RNF214: variants seen among roughly 807,000 people sequenced by gnomAD.
RNF214 encodes the protein ring finger protein 214.
In RNF214, 25 loss-of-function variants were observed where a neutral mutation model predicts 75.9. The ratio of observed to expected loss-of-function variants is 0.33; its 90% CI spans 0.24 to 0.46. The LOEUF is 0.46. Among genes scored for constraint, RNF214 ranks in the 20% least tolerant of loss-of-function variants. The pLI is 1.00. For missense variants in RNF214, 725 were observed against 857.5 expected (o/e 0.85, Z 1.93); for synonymous variants, 314 against 308.8 (o/e 1.02, Z -0.18).
chr11:117,233,943 C>CT (rs2032821672), intron 1 of RNF214, among the ~76,000 whole-genome samples: 1 of 152,174 alleles, frequency 6.6e-6, no homozygotes, highest in African/African-American at 2.4e-5. Context: ...CAAGGTAGGC[C>CT]TGGGACCACT....
At chr11:117,237,822 G>T (rs973068412) in intron 2 of RNF214, among the ~76,000 whole-genome samples, 8 of 152,230 alleles carry the variant, frequency 5.3e-5, no homozygotes, top group Admixed American at 3.3e-4. Context: ...ACAACTTAAA[G>T]TGTAGGTTCT....
rs748407683 is a variant in RNF214, at chr11:117,239,799, A to T, written c.619-2A>T. ...TCTAAATATAACTTTTTTCCTTTAT[A>T]GACTGACTTTAAGACAGCTGATTCA... On this transcript the variant is annotated splice_acceptor_variant, in intron 3 of 14. Coordinates refer to ENST00000300650, the MANE Select transcript of RNF214 (RefSeq NM_207343.4). LOFTEE classifies it high-confidence loss of function. The T allele has an allele frequency of 6.5e-7, 1 of 1,529,342 alleles. No individual in the cohort carries two copies. 94.7% of individuals were successfully genotyped at this position (1,529,342 alleles called of 1,614,324 possible). A position where few individuals can be genotyped will look rare whatever the true frequency, so the allele number is the denominator to read the frequency against.
intron 6 of RNF214, among the ~76,000 whole-genome samples, chr11:117,252,249 T>C (rs910263972): frequency 1.3e-5 from 2 of 152,208 alleles, no homozygotes; most frequent in African/African-American, 2.4e-5. Context: ...AGGAGACTTA[T>C]CTTGTCAGAG....
At chr11:117,245,600 C>T (rs540422887) in intron 5 of RNF214, among the ~76,000 whole-genome samples, 57 of 152,166 alleles carry the variant, frequency 3.7e-4, no homozygotes, top group African/African-American at 1.3e-3. Context: ...CCTCGGCCCC[C>T]CAAAGTGCTG....
intron 6 of RNF214, among the ~76,000 whole-genome samples, chr11:117,261,103 C>A (rs2033652393): frequency 1.3e-5 from 2 of 152,056 alleles, no homozygotes; most frequent in African/African-American, 4.8e-5. Context: ...AAGTAGATAT[C>A]TTTGCCTTGT....
intron 6 of RNF214, among the ~76,000 whole-genome samples, chr11:117,260,314 G>A (rs115636036): frequency 2.2e-3 from 338 of 152,292 alleles, no homozygotes; most frequent in African/African-American, 7.6e-3. Flanking sequence ...TGTGTATGGT[G>A]AGAAGTAAAG....
chr11:117,252,766 C>T (rs1360642597), intron 6 of RNF214, among the ~76,000 whole-genome samples: 1 of 152,102 alleles, frequency 6.6e-6, no homozygotes, highest in Non-Finnish European at 1.5e-5. Context: ...CTGTTCCGCC[C>T]GCCTTGGCCT....
At chr11:117,236,744 C>A (rs963394209) in intron 2 of RNF214, among the ~76,000 whole-genome samples, 7 of 152,156 alleles carry the variant, frequency 4.6e-5, no homozygotes, top group Non-Finnish European at 1.5e-5. Context: ...TAGTAATTTG[C>A]CCAAGGTTTC....
intron 6 of RNF214, among the ~76,000 whole-genome samples, chr11:117,266,471 C>T (rs985077725): frequency 1.3e-5 from 2 of 151,882 alleles, no homozygotes; most frequent in African/African-American, 2.4e-5. Flanking sequence ...GCGATCTTCC[C>T]GCCTCAGCCT....
intron 6 of RNF214, among the ~76,000 whole-genome samples, chr11:117,268,631 AG>A (rs964963785): frequency 2.0e-5 from 3 of 152,150 alleles, no homozygotes; most frequent in Non-Finnish European, 4.4e-5. Flanking sequence ...TGCATCTTCC[AG>A]CTTTGGTGTT....
rs2034140460 is a variant in RNF214 at position 117,282,126 on chromosome 11, C to T, written c.1568C>T (p.Pro523Leu). 6.2e-7 allele frequency: 1 copy of T among 1,614,058 alleles called. No individual in the cohort carries two copies. Among genetic ancestry groups the T allele is most frequent in the Non-Finnish European group, 8.5e-7 (1 of 1,180,014 alleles). The change falls in exon 11 of 15, where the codon CCA (proline) becomes CTA (leucine). Residue 523 changes from proline (P) to leucine (L), a missense_variant. Coordinates refer to ENST00000300650, the MANE Select transcript of RNF214 (RefSeq NM_207343.4). ...GLGSLVSPHG[P>L]HMPPAASIPP... ...GGTTCCCTTGTCAGCCCCCACGGTC[C>T]ACACATGCCCCCTGCCGCCTCCATC...
chr11:117,264,530 A>T (rs2033751793), intron 6 of RNF214, among the ~76,000 whole-genome samples: 1 of 152,144 alleles, frequency 6.6e-6, no homozygotes, highest in African/African-American at 2.4e-5. Flanking sequence ...ATTAAAAATT[A>T]AAAAAATTGT....
chr11:117,285,903 G>C lies in RNF214; in HGVS notation c.*752G>C, dbSNP rs943051346. On this transcript the variant is annotated 3_prime_UTR_variant, in exon 15 of 15. Transcript: ENST00000300650. ...TAGCACAACCCACAGGTTTTTCCTGGGCCAAGTCTTCCTTTGCTGCCACTG... is the reference window on the plus strand; with the variant it reads ...TAGCACAACCCACAGGTTTTTCCTGCGCCAAGTCTTCCTTTGCTGCCACTG... 6.6e-6 allele frequency: 1 copy of C among 152,470 alleles called. No homozygotes were observed. The highest frequency in any genetic ancestry group is 2.4e-5 in the African/African-American group (1 of 41,378). The allele number at this position is 152,470 out of a possible 1,614,324, so 9.4% of individuals were successfully genotyped here. A position where few individuals can be genotyped will look rare whatever the true frequency, so the allele number is the denominator to read the frequency against.
intron 3 of RNF214, chr11:117,239,387 A>G (rs2033007869): frequency 2.0e-6 from 1 of 509,916 alleles, no homozygotes; most frequent in Admixed American, 3.7e-5. Flanking sequence ...TGATGAGTGC[A>G]GGACATTAGC....
At chr11:117,276,564 C>T (rs186491067) in intron 6 of RNF214, among the ~76,000 whole-genome samples, 1 of 152,250 alleles carries the variant, frequency 6.6e-6, no homozygotes, top group East Asian at 1.9e-4. Flanking sequence ...TGCCAGTGTA[C>T]TCCAGCCTGG....
rs1393692051 is a variant in RNF214, at chr11:117,239,815, A to T, written c.633A>T (p.Thr211=). 1 of 1,562,814 alleles carries T rather than the reference A, an allele frequency of 6.4e-7. No homozygotes were observed. ...QNIAVQTDFK[T]ADSEVNTDQD... ...TTCCTTTATAGACTGACTTTAAGAC[A>T]GCTGATTCAGAGGTAAACACAGATC... Residue 211 remains threonine (T), a synonymous_variant, in exon 4 of 15, where the codon ACA becomes ACT. Transcript: ENST00000300650.
chr11:117,247,743 C>T (rs1294143676), intron 6 of RNF214, among the ~76,000 whole-genome samples: 7 of 150,838 alleles, frequency 4.6e-5, no homozygotes, highest in Non-Finnish European at 7.4e-5. Flanking sequence ...CTCAGCTACT[C>T]GGGAAGCTGA....
At chr11:117,247,862 A>C (rs1433400298) in intron 6 of RNF214, among the ~76,000 whole-genome samples, 4 of 151,778 alleles carry the variant, frequency 2.6e-5, no homozygotes, top group African/African-American at 9.7e-5. Context: ...GTCTCAAAAA[A>C]AAAAAAAAAC....
At chr11:117,240,693 A>G (rs942492655) in intron 4 of RNF214, among the ~76,000 whole-genome samples, 5 of 152,048 alleles carry the variant, frequency 3.3e-5, no homozygotes, top group African/African-American at 1.2e-4. Flanking sequence ...CTCAAAAAAC[A>G]AAAATGAAAC....
Sources: gnomAD v4.1 joint callset for allele counts (sites outside exome capture counted in the v4.1 genomes callset) on GRCh38, gnomAD v4.1.1 for gene constraint, MANE v1.5 for transcripts, NCBI Gene and HGNC (gene_info 2026-07-23, HGNC 2026-07-21) for gene names.